The following LRRC20 variants were observed in gnomAD, a reference collection of about 807,000 sequenced individuals.
LRRC20 encodes the protein leucine rich repeat containing 20, also known as leucine-rich repeat-containing protein 20.
In LRRC20, 11 loss-of-function variants were observed where a neutral mutation model predicts 14.4. The observed-to-expected ratio is 0.77, with a 90% CI of 0.48 to 1.27. The LOEUF is 1.27. Among genes scored for constraint, LRRC20 ranks in the 50% most tolerant of loss-of-function variants. LRRC20 has a pLI of 0.00. For synonymous variants in LRRC20, 121 were observed against 107.3 expected (o/e 1.13, Z -0.79); for missense variants, 219 against 251.2 (o/e 0.87, Z 0.87).
chr10:70,310,126 C>A (rs555462852), intron 4 of LRRC20, among the ~76,000 whole-genome samples: 1 of 152,344 alleles, frequency 6.6e-6, no homozygotes, highest in Non-Finnish European at 1.5e-5. Flanking sequence ...ATCAAACATG[C>A]CAAAGCTGGC....
At chr10:70,335,492 C>T (rs1321234203) in intron 3 of LRRC20, among the ~76,000 whole-genome samples, 2 of 152,234 alleles carry the variant, frequency 1.3e-5, no homozygotes, top group African/African-American at 4.8e-5. Flanking sequence ...CAGGCCCAGG[C>T]TCTTGAGATG....
In LRRC20 at chr10:70,326,648, A is replaced by G. The variant is rs193092667; in HGVS notation, c.233-2618T>C. On this transcript the variant is annotated intron_variant, in intron 3 of 4. Coordinates refer to ENST00000446961, the MANE Select transcript of LRRC20 (RefSeq NM_001278212.2). ...AGGTTCTTGAATAGCCACACCTTAA[A>G]CCACAGAACGCTGCTATCCAGATCA... 2.6e-5 allele frequency among the ~76,000 whole-genome samples: 4 copies of G among 152,128 alleles called. No individual in the cohort carries two copies. In the East Asian group the frequency reaches 7.8e-4, roughly 30 times the overall value.
At chr10:70,338,817 C>T (rs1842805854) in intron 3 of LRRC20, among the ~76,000 whole-genome samples, 1 of 152,174 alleles carries the variant, frequency 6.6e-6, no homozygotes, top group Non-Finnish European at 1.5e-5. Flanking sequence ...TGCGCCACCA[C>T]ACCCGGCTAA....
At chr10:70,378,638 T>G (rs146661538) in intron 1 of LRRC20, among the ~76,000 whole-genome samples, 6,357 of 151,822 alleles carry the variant, frequency 0.042, 217 homozygotes, top group African/African-American at 0.098. Context: ...AATACAAAAA[T>G]TAGCTGGGCG....
chr10:70,304,470 T>TTATATATATATATATATATATATA lies in LRRC20; in HGVS notation c.401-2986_401-2963dup, dbSNP rs57284629. 1.1e-3 allele frequency among the ~76,000 whole-genome samples: 121 copies of TTATATATATATATATATATATATA among 113,764 alleles called. 2 individuals carry two copies. The highest frequency in any genetic ancestry group is 1.7e-3 in the Non-Finnish European group (89 of 52,036). 74.6% of individuals were successfully genotyped at this position (113,764 alleles called of 152,430 possible). On this transcript the variant is annotated intron_variant, in intron 4 of 4. Coordinates refer to ENST00000446961, the MANE Select transcript of LRRC20 (RefSeq NM_001278212.2). ...GCTATATAGATATCAGGCCACTTCT[T>TTATATATATATATATATATATATA]TATATATATATATATATATATATAT...
chr10:70,332,419 G>A (rs1386659431), intron 3 of LRRC20, among the ~76,000 whole-genome samples: 4 of 152,230 alleles, frequency 2.6e-5, no homozygotes, highest in African/African-American at 4.8e-5. Flanking sequence ...TGAGACAGGC[G>A]GATCACTTGA....
intron 4 of LRRC20, among the ~76,000 whole-genome samples, chr10:70,306,914 T>C (rs1841447244): frequency 6.6e-6 from 1 of 152,226 alleles, no homozygotes; most frequent in Admixed American, 6.5e-5. Context: ...TTTCTAGTGA[T>C]TTACAATTCA....
intron 4 of LRRC20, among the ~76,000 whole-genome samples, chr10:70,308,909 C>T (rs1841533083): frequency 6.6e-6 from 1 of 152,184 alleles, no homozygotes; most frequent in Non-Finnish European, 1.5e-5. Flanking sequence ...AGCCTGGCCT[C>T]GCTCGTCCCA....
intron 2 of LRRC20, among the ~76,000 whole-genome samples, chr10:70,363,847 A>C (rs7092467): frequency 0.98 from 149,358 of 152,136 alleles, 73,375 homozygotes; most frequent in East Asian, 1. Flanking sequence ...TCAACCCCCA[A>C]CACAGCACAC....
intron 4 of LRRC20, among the ~76,000 whole-genome samples, chr10:70,302,321 A>G (rs951676600): frequency 1.3e-5 from 2 of 152,166 alleles, no homozygotes; most frequent in Non-Finnish European, 2.9e-5. Context: ...TCAAAAAAAA[A>G]AGAGAAAATA....
rs748776229 is a variant in LRRC20 at position 70,300,308 on chromosome 10, T to A, written c.*1046A>T. ...CCCAGTTTTAGCATTGAAAGTTCCA[T>A]GTCCTGGGAAACCAGGACAGCTGGT... On this transcript the variant is annotated 3_prime_UTR_variant, in exon 5 of 5. Coordinates refer to ENST00000446961, the MANE Select transcript of LRRC20 (RefSeq NM_001278212.2). 1 of 957,756 alleles carries A rather than the reference T, an allele frequency of 1.0e-6. No homozygotes were observed. Among genetic ancestry groups the A allele is most frequent in the Non-Finnish European group, 1.2e-6 (1 of 804,696 alleles). 59.3% of individuals were successfully genotyped at this position (957,756 alleles called of 1,614,324 possible).
At chr10:70,379,173 G>A (rs927616142) in intron 1 of LRRC20, among the ~76,000 whole-genome samples, 1 of 152,176 alleles carries the variant, frequency 6.6e-6, no homozygotes, top group African/African-American at 2.4e-5. Context: ...ATTGAGAAGG[G>A]TCAAAAACCA....
At chr10:70,309,251 C>T (rs1395485681) in intron 4 of LRRC20, among the ~76,000 whole-genome samples, 1 of 152,156 alleles carries the variant, frequency 6.6e-6, no homozygotes, top group Non-Finnish European at 1.5e-5. Context: ...GGTGTAGCAC[C>T]TTTGTCTAAA....
chr10:70,373,975 A>G (rs936792296), intron 2 of LRRC20, among the ~76,000 whole-genome samples: 5 of 152,186 alleles, frequency 3.3e-5, no homozygotes, highest in Non-Finnish European at 7.3e-5. Context: ...CCCACTCTTC[A>G]GCTCACAGAA....
At chr10:70,308,421 G>C (rs1841505084) in intron 4 of LRRC20, among the ~76,000 whole-genome samples, 1 of 152,066 alleles carries the variant, frequency 6.6e-6, no homozygotes, top group Non-Finnish European at 1.5e-5. Context: ...TGGCAGCCAG[G>C]TTCCCTAACG....
At position 70,301,252 on chromosome 10, in the gene LRRC20, C is replaced by T. The variant is rs941167827; in HGVS notation, c.*102G>A. On this transcript the variant is annotated 3_prime_UTR_variant, in exon 5 of 5. Coordinates refer to ENST00000446961, the MANE Select transcript of LRRC20 (RefSeq NM_001278212.2). ...CCCACCACGTGCTGCTCGGCCCACC[C>T]GCCCCCAGCCCCCAGGCTTGGCCTC... 82 of 1,472,686 alleles carry T rather than the reference C, an allele frequency of 5.6e-5. 1 individual carries two copies. The highest frequency in any genetic ancestry group is 3.2e-4 in the South Asian group (24 of 74,642). 91.2% of individuals were successfully genotyped at this position (1,472,686 alleles called of 1,614,324 possible).
intron 3 of LRRC20, among the ~76,000 whole-genome samples, chr10:70,327,811 T>A (rs1346172203): frequency 6.6e-6 from 1 of 152,112 alleles, no homozygotes; most frequent in Non-Finnish European, 1.5e-5. Context: ...AACCAGGATG[T>A]GAACCCCAGC....
At chr10:70,318,328 A>G (rs1438623874) in intron 4 of LRRC20, among the ~76,000 whole-genome samples, 1 of 152,188 alleles carries the variant, frequency 6.6e-6, no homozygotes, top group East Asian at 1.9e-4. Flanking sequence ...TTCTCTAGCG[A>G]TGCTGCTGCT....
chr10:70,345,650 T>A (rs986998938), intron 2 of LRRC20, among the ~76,000 whole-genome samples: 12 of 152,158 alleles, frequency 7.9e-5, no homozygotes, highest in Non-Finnish European at 8.8e-5. Flanking sequence ...GGAAAAAACA[T>A]AATTAGTAAA....
Sources: allele counts gnomAD v4.1 joint callset (sites outside exome capture counted in the v4.1 genomes callset), GRCh38; gene constraint gnomAD v4.1.1; transcripts MANE v1.5; gene names NCBI Gene and HGNC (gene_info 2026-07-23, HGNC 2026-07-21).